RARB: variants seen among roughly 807,000 people sequenced by gnomAD.
The protein encoded by RARB is retinoic acid receptor beta.
In RARB, 17 loss-of-function variants were observed where a neutral mutation model predicts 51.9. The observed-to-expected ratio is 0.33, with a 90% CI of 0.22 to 0.49. RARB has a LOEUF of 0.49. RARB is among the 20% of genes least tolerant of loss of function. RARB has a pLI of 0.99. For synonymous variants in RARB, 215 were observed against 195.4 expected (o/e 1.10, Z -0.84); for missense variants, 369 against 550.8 (o/e 0.67, Z 3.30).
rs547513670 is a variant in RARB at position 25,403,693 on chromosome 3, T to C, written c.179-57500T>C. On this transcript the variant is annotated intron_variant, in intron 5 of 11. Transcript: ENST00000383772. Reference sequence around the variant, plus strand: ...ACAAGAGACTGTATCTCAAACTGTATTACCATCTTAATAACTTTTTCAGCT... The same window carrying C: ...ACAAGAGACTGTATCTCAAACTGTACTACCATCTTAATAACTTTTTCAGCT... Among the ~76,000 whole-genome samples, 3 of 152,252 alleles carry C rather than the reference T, an allele frequency of 2.0e-5. No homozygotes were observed. The East Asian group carries it at 5.8e-4, about 29-fold the overall frequency.
intron 5 of RARB, among the ~76,000 whole-genome samples, chr3:25,245,240 G>A (rs13085280): frequency 0.1 from 15,630 of 152,034 alleles, 999 homozygotes; most frequent in South Asian, 0.26. Flanking sequence ...CACACAGATG[G>A]GTTTTGATCT....
At chr3:25,365,416 C>A (rs1403105953) in intron 5 of RARB, among the ~76,000 whole-genome samples, 2 of 151,782 alleles carry the variant, frequency 1.3e-5, no homozygotes, top group African/African-American at 4.8e-5. Flanking sequence ...CTGTCTCATC[C>A]ATGCTTTCTA....
intron 3 of RARB, among the ~76,000 whole-genome samples, chr3:25,554,070 T>G (rs1699950520): frequency 6.6e-6 from 1 of 151,548 alleles, no homozygotes. Context: ...GAGGAATGTG[T>G]GTGTCTACCT....
chr3:25,003,450 T>C (rs917041574), intron 2 of RARB, among the ~76,000 whole-genome samples: 1 of 152,168 alleles, frequency 6.6e-6, no homozygotes, highest in Non-Finnish European at 1.5e-5. Flanking sequence ...CACTCTTGTT[T>C]CTACTTTTGT....
At chr3:25,333,049 A>G (rs1704952988) in intron 5 of RARB, among the ~76,000 whole-genome samples, 1 of 152,166 alleles carries the variant, frequency 6.6e-6, no homozygotes, top group Non-Finnish European at 1.5e-5. Context: ...ATGGAAGAAC[A>G]CTCCATGCTC....
chr3:24,850,479 A>G (rs1004594830), intron 1 of RARB, among the ~76,000 whole-genome samples: 1 of 152,228 alleles, frequency 6.6e-6, no homozygotes, highest in African/African-American at 2.4e-5. Context: ...GAGGGCAGGA[A>G]GTAGATAAAT....
At chr3:24,991,518 T>A (rs1369965290) in intron 2 of RARB, among the ~76,000 whole-genome samples, 3 of 152,108 alleles carry the variant, frequency 2.0e-5, no homozygotes. Context: ...TTACTCTTTT[T>A]AATTTTTCTT....
intron 5 of RARB, among the ~76,000 whole-genome samples, chr3:25,206,291 A>G (rs1333658806): frequency 1.3e-5 from 2 of 152,184 alleles, no homozygotes; most frequent in African/African-American, 4.8e-5. Context: ...TAAATTTGAT[A>G]TTTTTAAGGC....
intron 3 of RARB, among the ~76,000 whole-genome samples, chr3:25,542,890 G>A (rs1404607734): frequency 6.6e-6 from 1 of 152,098 alleles, no homozygotes; most frequent in Non-Finnish European, 1.5e-5. Context: ...TGCAGATAGG[G>A]AATCAGAATC....
intron 2 of RARB, among the ~76,000 whole-genome samples, chr3:25,016,488 A>G (rs1697511698): frequency 6.6e-6 from 1 of 152,188 alleles, no homozygotes; most frequent in South Asian, 2.1e-4. Flanking sequence ...CTGCTGGGGC[A>G]TGGTGGGAGA....
At chr3:25,506,949 C>T (rs747595551) in intron 3 of RARB, among the ~76,000 whole-genome samples, 2 of 152,236 alleles carry the variant, frequency 1.3e-5, no homozygotes, top group African/African-American at 4.8e-5. Flanking sequence ...GATTTACCTC[C>T]TTCTCCATCA....
At chr3:25,335,299 A>T (rs1223210828) in intron 5 of RARB, among the ~76,000 whole-genome samples, 1 of 152,210 alleles carries the variant, frequency 6.6e-6, no homozygotes, top group Middle Eastern at 3.2e-3. Flanking sequence ...TGAAATTCTA[A>T]GCACAATGCT....
At chr3:25,184,897 A>C (rs559270266) in intron 5 of RARB, among the ~76,000 whole-genome samples, 50 of 152,128 alleles carry the variant, frequency 3.3e-4, no homozygotes, top group Non-Finnish European at 4.7e-4. Context: ...GTGTCCAAAA[A>C]AAGAAAGAAA....
At chr3:25,225,472 T>C (rs572484493) in intron 5 of RARB, among the ~76,000 whole-genome samples, 1 of 152,220 alleles carries the variant, frequency 6.6e-6, no homozygotes, top group Non-Finnish European at 1.5e-5. Context: ...AGAATGACTT[T>C]GGCCATATTT....
intron 5 of RARB, among the ~76,000 whole-genome samples, chr3:25,389,009 C>T (rs777366949): frequency 2.6e-5 from 4 of 151,996 alleles, no homozygotes; most frequent in African/African-American, 4.8e-5. Context: ...AAACATAATG[C>T]CGGTTGCAAG....
intron 5 of RARB, among the ~76,000 whole-genome samples, chr3:25,247,662 C>G (rs1419546244): frequency 6.6e-6 from 1 of 152,244 alleles, no homozygotes; most frequent in Admixed American, 6.5e-5. Flanking sequence ...CACTGTCTAA[C>G]CAATCCCAAT....
At chr3:25,371,396 C>G (rs1706293703) in intron 5 of RARB, among the ~76,000 whole-genome samples, 1 of 152,156 alleles carries the variant, frequency 6.6e-6, no homozygotes, top group Non-Finnish European at 1.5e-5. Flanking sequence ...ATAGTATAAT[C>G]AGATTTAATT....
intron 2 of RARB, among the ~76,000 whole-genome samples, chr3:24,872,086 C>A (rs1351173216): frequency 6.6e-6 from 1 of 152,128 alleles, no homozygotes; most frequent in Non-Finnish European, 1.5e-5. Flanking sequence ...TTCTTAAAGT[C>A]CTCGAATGAT....
chr3:25,188,597 G>T (rs181153244), intron 5 of RARB, among the ~76,000 whole-genome samples: 1 of 152,026 alleles, frequency 6.6e-6, no homozygotes, highest in Admixed American at 6.6e-5. Context: ...CTTTGAAAGC[G>T]GTATCATCTG....
Sources: gnomAD v4.1 joint callset for allele counts (sites outside exome capture counted in the v4.1 genomes callset) on GRCh38, gnomAD v4.1.1 for gene constraint, MANE v1.5 for transcripts, NCBI Gene and HGNC (gene_info 2026-07-23, HGNC 2026-07-21) for gene names.